DCBLD1: variants seen among roughly 807,000 people sequenced by gnomAD.
DCBLD1 encodes discoidin, CUB and LCCL domain-containing protein 1.
A neutral mutation model predicts 71.5 loss-of-function variants in DCBLD1; 57 were observed. That is an observed-to-expected ratio of 0.80 (90% CI 0.64 to 0.99). The LOEUF (loss-of-function observed/expected upper bound fraction) is 0.99, where lower values mean the gene tolerates loss of function less well. Ranked by LOEUF, DCBLD1 falls within the 50% of genes least tolerant of loss-of-function variation. The probability of loss-of-function intolerance (pLI) is 0.00; values close to 1 mark genes in which losing one functional copy is unlikely to be tolerated. For synonymous variants in DCBLD1, 380 were observed against 363.8 expected (o/e 1.04, Z -0.51); for missense variants, 891 against 923.5 (o/e 0.96, Z 0.46).
chr6:117,549,127 C>CA lies in DCBLD1; in HGVS notation c.*689dup. The CA allele has an allele frequency of 1.0e-6, 1 of 985,716 alleles. No individual in the cohort carries two copies. Among genetic ancestry groups the CA allele is most frequent in the Non-Finnish European group, 1.2e-6 (1 of 830,176 alleles). 61.1% of individuals were successfully genotyped at this position (985,716 alleles called of 1,614,324 possible). A position where few individuals can be genotyped will look rare whatever the true frequency, so the allele number is the denominator to read the frequency against. On this transcript the variant is annotated 3_prime_UTR_variant, in exon 15 of 15. Coordinates refer to ENST00000338728, the MANE Select transcript of DCBLD1 (RefSeq NM_001366458.2). The stretch of plus-strand genomic sequence containing the variant: ...CTGCCCGTTTCCTTAGTCTCCACTT[C>CA]AGAGGGGGATGCGAAGAGGTCGGCC...
At chr6:117,538,446 C>T (rs189759997) in intron 7 of DCBLD1, among the ~76,000 whole-genome samples, 174 bp from the exon 8 acceptor site, 19 of 152,120 alleles carry the variant, frequency 1.2e-4, no homozygotes, top group African/African-American at 4.3e-4. Flanking sequence ...CATGGTAGTA[C>T]AAATGAGTGA....
chr6:117,558,363 T>C (rs1211959399), intron 14 of DCBLD1, among the ~76,000 whole-genome samples: 1 of 152,166 alleles, frequency 6.6e-6, no homozygotes, highest in Non-Finnish European at 1.5e-5. Flanking sequence ...TAGATGTTGT[T>C]CTCCCACATT....
chr6:117,552,513 A>C (rs1391148542), downstream of DCBLD1, among the ~76,000 whole-genome samples: 1 of 151,996 alleles, frequency 6.6e-6, no homozygotes, highest in East Asian at 1.9e-4. Flanking sequence ...TTTCACCACC[A>C]TTCAAAGCTC....
downstream of DCBLD1, among the ~76,000 whole-genome samples, chr6:117,550,805 C>T (rs1182518010): frequency 6.6e-6 from 1 of 152,198 alleles, no homozygotes; most frequent in Non-Finnish European, 1.5e-5. Flanking sequence ...TCCTAAAATG[C>T]TTATCTTGCA....
intron 5 of DCBLD1, among the ~76,000 whole-genome samples, chr6:117,525,764 A>C (rs1458710833): frequency 6.6e-6 from 1 of 152,186 alleles, no homozygotes; most frequent in African/African-American, 2.4e-5. Context: ...GGTTCCTGTA[A>C]TAGAGCAAAG....
chr6:117,495,391 G>A (rs1475302677), intron 1 of DCBLD1, among the ~76,000 whole-genome samples: 1 of 152,140 alleles, frequency 6.6e-6, no homozygotes, highest in Non-Finnish European at 1.5e-5. Context: ...AAAAATAGTA[G>A]CAGTTAACAT....
chr6:117,548,889 T>C lies in DCBLD1; in HGVS notation c.*450T>C, dbSNP rs1779369221. ...TGTTCATTTTTTTCAGTATATTATC[T>C]GATACTGTGTTAGCAGCAGGTCTGC... On this transcript the variant is annotated 3_prime_UTR_variant, in exon 15 of 15. Transcript: ENST00000338728. 9.9e-7 allele frequency: 1 copy of C among 1,006,718 alleles called. No individual in the cohort carries two copies. The highest frequency in any genetic ancestry group is 5.1e-4 in the Middle Eastern group (1 of 1,960). The allele number at this position is 1,006,718 out of a possible 1,614,324, so 62.4% of individuals were successfully genotyped here.
chr6:117,562,489 A>C (rs1216918156), intron 14 of DCBLD1: 1 of 203,546 alleles, frequency 4.9e-6, no homozygotes, highest in African/African-American at 2.3e-5. Context: ...ATGAATGGGT[A>C]AATGCTCCAG....
intron 5 of DCBLD1, among the ~76,000 whole-genome samples, chr6:117,530,204 A>G (rs573048050): frequency 2.6e-5 from 4 of 152,296 alleles, no homozygotes; most frequent in African/African-American, 9.6e-5. Flanking sequence ...TTAGAATCAC[A>G]AGGTGACAGA....
chr6:117,512,785 A>ATGT (rs146434117), intron 2 of DCBLD1, among the ~76,000 whole-genome samples: 5 of 151,696 alleles, frequency 3.3e-5, no homozygotes, highest in African/African-American at 9.7e-5. Context: ...TGGAGGTTTT[A>ATGT]TGTTGTTGTT....
intron 14 of DCBLD1, among the ~76,000 whole-genome samples, chr6:117,557,030 T>G (rs1167785757): frequency 1.3e-5 from 2 of 152,210 alleles, no homozygotes; most frequent in African/African-American, 4.8e-5. Flanking sequence ...GAAAAATCTC[T>G]GTTTTTTGCT....
At chr6:117,513,491 G>C (rs1778089019) in intron 2 of DCBLD1, among the ~76,000 whole-genome samples, 1 of 152,100 alleles carries the variant, frequency 6.6e-6, no homozygotes, top group Admixed American at 6.6e-5. Context: ...TTCCACAAAA[G>C]ATAAAAGTTT....
chr6:117,553,342 C>G (rs1027172236), downstream of DCBLD1, among the ~76,000 whole-genome samples: 1 of 152,154 alleles, frequency 6.6e-6, no homozygotes, highest in Non-Finnish European at 1.5e-5. Flanking sequence ...TTCCTTTCCT[C>G]CTTCCTTCCT....
At chr6:117,495,156 G>A (rs887228592) in intron 1 of DCBLD1, among the ~76,000 whole-genome samples, 3 of 151,622 alleles carry the variant, frequency 2.0e-5, no homozygotes, top group Non-Finnish European at 4.4e-5. Context: ...ACTGGGAAAT[G>A]CATTCTAATT....
chr6:117,555,567 C>A (rs1464394951), intron 14 of DCBLD1, among the ~76,000 whole-genome samples: 1 of 152,142 alleles, frequency 6.6e-6, no homozygotes, highest in African/African-American at 2.4e-5. Flanking sequence ...ACAGTATGCA[C>A]ACAAGCAAGA....
At chr6:117,565,897 T>A (rs1314826836) in intron 14 of DCBLD1, among the ~76,000 whole-genome samples, 1 of 152,190 alleles carries the variant, frequency 6.6e-6, no homozygotes, top group East Asian at 1.9e-4. Context: ...GTACTTTCCC[T>A]TGAAACCAGC....
intron 1 of DCBLD1, among the ~76,000 whole-genome samples, chr6:117,502,482 C>A (rs186743762): frequency 2.0e-5 from 3 of 151,988 alleles, no homozygotes; most frequent in Non-Finnish European, 4.4e-5. Context: ...TTTTAATAAA[C>A]CTCTATTACC....
downstream of DCBLD1, among the ~76,000 whole-genome samples, chr6:117,553,916 G>GACTT (rs1779463128): frequency 6.6e-6 from 1 of 152,078 alleles, no homozygotes; most frequent in African/African-American, 2.4e-5. Flanking sequence ...GACCAAGAAG[G>GACTT]ACTTACTTTC....
intron 1 of DCBLD1, among the ~76,000 whole-genome samples, chr6:117,484,538 A>G (rs1176401190): frequency 1.3e-5 from 2 of 152,068 alleles, no homozygotes; most frequent in Admixed American, 6.6e-5. Context: ...TTGTAGAGAC[A>G]GGGTTTAGCC....
Sources: gnomAD v4.1 joint callset for allele counts (sites outside exome capture counted in the v4.1 genomes callset) on GRCh38, gnomAD v4.1.1 for gene constraint, MANE v1.5 for transcripts, NCBI Gene and HGNC (gene_info 2026-07-23, HGNC 2026-07-21) for gene names.